Variants in SRPK2 observed in about 807,000 individuals in gnomAD.
SRPK2 encodes SRSF protein kinase 2.
Under a neutral mutation model 90.8 loss-of-function variants are expected in SRPK2, and 21 were observed. The observed-to-expected ratio is 0.23, with a 90% CI of 0.16 to 0.33. The LOEUF (loss-of-function observed/expected upper bound fraction) is 0.33. Among genes scored for constraint, SRPK2 ranks in the 10% least tolerant of loss-of-function variants. SRPK2 has a pLI of 1.00. For synonymous variants in SRPK2, 288 were observed against 311.1 expected (o/e 0.93, Z 0.78); for missense variants, 620 against 869.0 (o/e 0.71, Z 3.60).
At chr7:105,154,844 T>A (rs1034415549) in intron 7 of SRPK2, among the ~76,000 whole-genome samples, 1 of 151,616 alleles carries the variant, frequency 6.6e-6, no homozygotes, top group Non-Finnish European at 1.5e-5. Context: ...CCAGCTAATT[T>A]TTGTATTTTT....
chr7:105,251,978 C>T (rs1802541745), intron 2 of SRPK2, among the ~76,000 whole-genome samples: 1 of 152,178 alleles, frequency 6.6e-6, no homozygotes, highest in African/African-American at 2.4e-5. Flanking sequence ...CAGAGTTCGT[C>T]TATATTAATT....
In SRPK2 at chr7:105,357,059, G is replaced by A. The variant is rs1216362276; in HGVS notation, c.71+31589C>T. 5.4e-5 allele frequency among the ~76,000 whole-genome samples: 8 copies of A among 147,990 alleles called. No homozygotes were observed. In the South Asian group the frequency reaches 8.5e-4, roughly 16 times the overall value. On this transcript the variant is annotated intron_variant, in intron 2 of 15. Transcript: ENST00000393651. ...CTAATTTTTTTTTTTTTTTTGAGAC[G>A]GAGTCTCGCTCTGTCGCCCAGGCTG...
At chr7:105,227,803 C>T (rs1023947191) in intron 2 of SRPK2, among the ~76,000 whole-genome samples, 1 of 141,248 alleles carries the variant, frequency 7.1e-6, no homozygotes, top group African/African-American at 2.6e-5. Context: ...ATATTCAGAA[C>T]ATCCAAAAAG....
At chr7:105,202,343 A>G (rs941203011) in intron 3 of SRPK2, among the ~76,000 whole-genome samples, 1 of 152,240 alleles carries the variant, frequency 6.6e-6, no homozygotes, top group Non-Finnish European at 1.5e-5. Flanking sequence ...TATGTTCTGA[A>G]CATGTCTGCA....
intron 2 of SRPK2, among the ~76,000 whole-genome samples, chr7:105,222,272 C>T (rs1368795415): frequency 6.6e-6 from 1 of 152,192 alleles, no homozygotes; most frequent in East Asian, 1.9e-4. Flanking sequence ...CAGGAAGAAT[C>T]TTTATTGGCA....
At chr7:105,168,306 A>C (rs1790350080) in intron 4 of SRPK2, among the ~76,000 whole-genome samples, 1 of 152,216 alleles carries the variant, frequency 6.6e-6, no homozygotes, top group African/African-American at 2.4e-5. Context: ...ATGTTGCACA[A>C]GATTATTTAA....
intron 7 of SRPK2, among the ~76,000 whole-genome samples, chr7:105,152,235 C>T (rs566040206): frequency 1.3e-5 from 2 of 152,102 alleles, no homozygotes; most frequent in South Asian, 2.1e-4. Context: ...CTGCAACCTC[C>T]ACCTACTGGG....
chr7:105,254,571 T>A (rs569700681), intron 2 of SRPK2, among the ~76,000 whole-genome samples: 1 of 152,336 alleles, frequency 6.6e-6, no homozygotes, highest in East Asian at 1.9e-4. Context: ...AATTTGCATA[T>A]GTTAAGTATA....
At chr7:105,146,094 T>A (rs1804585794) in intron 8 of SRPK2, among the ~76,000 whole-genome samples, 1 of 152,180 alleles carries the variant, frequency 6.6e-6, no homozygotes, top group African/African-American at 2.4e-5. Context: ...TTGATACAAC[T>A]CAGGTTGACA....
At chr7:105,254,671 T>TG (rs1802986540) in intron 2 of SRPK2, among the ~76,000 whole-genome samples, 1 of 151,998 alleles carries the variant, frequency 6.6e-6, no homozygotes, top group South Asian at 2.1e-4. Context: ...GCTTGTTTTT[T>TG]TTTTGTTGTT....
chr7:105,292,584 A>T (rs1318409379), intron 2 of SRPK2, among the ~76,000 whole-genome samples: 1 of 151,436 alleles, frequency 6.6e-6, no homozygotes, highest in Non-Finnish European at 1.5e-5. Context: ...CTACTCAGAT[A>T]TTCTCAGGGC....
intron 2 of SRPK2, among the ~76,000 whole-genome samples, chr7:105,324,042 G>A (rs538357997): frequency 1.3e-5 from 2 of 150,450 alleles, no homozygotes; most frequent in Admixed American, 6.7e-5. Flanking sequence ...TGTCGCCCGG[G>A]CTGGAGTGCA....
intron 2 of SRPK2, among the ~76,000 whole-genome samples, chr7:105,313,095 T>C (rs1457482648): frequency 1.3e-5 from 2 of 151,620 alleles, no homozygotes; most frequent in East Asian, 3.9e-4. Flanking sequence ...AGGCATTATA[T>C]GCATGTAAGG....
At chr7:105,191,363 G>A (rs1242976674) in intron 3 of SRPK2, among the ~76,000 whole-genome samples, 1 of 152,086 alleles carries the variant, frequency 6.6e-6, no homozygotes, top group African/African-American at 2.4e-5. Context: ...TTGAGCTCAG[G>A]AGTTCAAGAA....
At chr7:105,392,741 AC>A (rs1324276961), upstream of SRPK2, among the ~76,000 whole-genome samples, 1 of 151,264 alleles carries the variant, frequency 6.6e-6, no homozygotes, top group African/African-American at 2.4e-5. Context: ...CAAGTGATCC[AC>A]CTGCCTCTGC....
rs1372880812 is a variant in SRPK2, at chr7:105,238,743, T to C, written c.72-34958A>G. Among the ~76,000 whole-genome samples the C allele has an allele frequency of 6.7e-5, 4 of 59,310 alleles. No homozygotes were observed. The East Asian group carries it at 8.8e-4, about 13-fold the overall frequency. The allele number at this position is 59,310 out of a possible 152,430, so 38.9% of individuals were successfully genotyped here. ...ATTTTTATTAAAATTAAATAATTTC[T>C]GAAAATTTGTTCTGTGTTTTGATTT... On this transcript the variant is annotated intron_variant, in intron 2 of 15. Transcript: ENST00000393651.
chr7:105,145,922 C>G (rs929978492), intron 8 of SRPK2, among the ~76,000 whole-genome samples: 1 of 152,138 alleles, frequency 6.6e-6, no homozygotes, highest in Non-Finnish European at 1.5e-5. Context: ...TGCCTGACAA[C>G]ACACAAAGGC....
At chr7:105,166,990 GC>G (rs1790151363) in intron 6 of SRPK2, among the ~76,000 whole-genome samples, 1 of 152,186 alleles carries the variant, frequency 6.6e-6, no homozygotes, top group African/African-American at 2.4e-5. Flanking sequence ...TTCACATGGT[GC>G]TTTGCAGCCA....
chr7:105,378,432 G>A (rs905368522), intron 2 of SRPK2, among the ~76,000 whole-genome samples: 5 of 151,968 alleles, frequency 3.3e-5, no homozygotes, highest in Non-Finnish European at 7.4e-5. Context: ...TTAAAAAGGC[G>A]CTTCACAAAA....
Sources: allele counts gnomAD v4.1 joint callset (sites outside exome capture counted in the v4.1 genomes callset), GRCh38; gene constraint gnomAD v4.1.1; transcripts MANE v1.5; gene names NCBI Gene and HGNC (gene_info 2026-07-23, HGNC 2026-07-21).